Variants in SNX7 observed in about 807,000 individuals in gnomAD.
SNX7 encodes the protein sorting nexin 7, also known as sorting nexin-7.
A neutral mutation model predicts 48.4 loss-of-function variants in SNX7; 35 were observed. The observed-to-expected ratio is 0.72, with a 90% CI of 0.55 to 0.96. The LOEUF (loss-of-function observed/expected upper bound fraction) is 0.96. Among genes scored for constraint, SNX7 ranks in the 40% least tolerant of loss-of-function variants. The probability of loss-of-function intolerance (pLI) is 0.00; values close to 1 mark genes in which losing one functional copy is unlikely to be tolerated. For missense variants in SNX7, 553 were observed against 548.9 expected (o/e 1.01, Z -0.07); for synonymous variants, 190 against 190.2 (o/e 1.00, Z 0.01).
chr1:98,679,741 C>T (rs1485450994), intron 1 of SNX7, among the ~76,000 whole-genome samples: 1 of 152,226 alleles, frequency 6.6e-6, no homozygotes, highest in African/African-American at 2.4e-5. Context: ...GACTCCATGT[C>T]TCACATACAG....
At chr1:98,690,763 T>C (rs530514978) in intron 2 of SNX7, among the ~76,000 whole-genome samples, 1 of 152,238 alleles carries the variant, frequency 6.6e-6, no homozygotes, top group East Asian at 1.9e-4. Context: ...AAGAAAGTCA[T>C]GCCAAAGATA....
At chr1:98,680,206 C>T (rs1650403560) in intron 1 of SNX7, among the ~76,000 whole-genome samples, 1 of 152,172 alleles carries the variant, frequency 6.6e-6, no homozygotes, top group South Asian at 2.1e-4. Context: ...CCTCTGAAAC[C>T]ATGACCTGAG....
intron 7 of SNX7, among the ~76,000 whole-genome samples, chr1:98,708,596 G>A (rs527693864): frequency 4.3e-4 from 65 of 152,198 alleles, no homozygotes; most frequent in Non-Finnish European, 7.9e-4. Flanking sequence ...CACAGCTGGC[G>A]GGGAATTTGG....
intron 8 of SNX7, among the ~76,000 whole-genome samples, chr1:98,739,293 C>A (rs779856496): frequency 1.8e-4 from 28 of 152,274 alleles, no homozygotes; most frequent in Admixed American, 3.3e-4. Flanking sequence ...GGCTGGGTTC[C>A]TAACAGGCCA....
intron 1 of SNX7, among the ~76,000 whole-genome samples, chr1:98,678,239 G>T (rs4950105): frequency 4.6e-5 from 7 of 151,852 alleles, no homozygotes; most frequent in African/African-American, 7.3e-5. Context: ...GAAAGAGGAC[G>T]ATCCAGGGTC....
At chr1:98,662,011 G>T in intron 1 of SNX7, 100 bp downstream of exon 1, 1 of 1,189,946 alleles carries the variant, frequency 8.4e-7, no homozygotes. Context: ...GCCCTCCCGG[G>T]GCGGTGGCTC....
At chr1:98,720,969 A>G (rs1652837814) in intron 7 of SNX7, among the ~76,000 whole-genome samples, 1 of 152,152 alleles carries the variant, frequency 6.6e-6, no homozygotes, top group Non-Finnish European at 1.5e-5. Context: ...TGTACACAGT[A>G]CTAGAGCAAA....
intron 7 of SNX7, among the ~76,000 whole-genome samples, chr1:98,707,992 C>A (rs749476569): frequency 6.6e-6 from 1 of 152,162 alleles, no homozygotes; most frequent in East Asian, 1.9e-4. Context: ...CTCTCTAATT[C>A]TAGGAAGCTT....
At chr1:98,695,793 G>A (rs1049201428) in intron 5 of SNX7, 77 bp downstream of exon 5, 3 of 1,018,476 alleles carry the variant, frequency 2.9e-6, no homozygotes, top group Non-Finnish European at 4.6e-6. Context: ...GTGTAATATA[G>A]CAACATTCAG....
chr1:98,672,930 CA>C (rs57705068), intron 1 of SNX7, among the ~76,000 whole-genome samples: 771 of 88,444 alleles, frequency 8.7e-3, no homozygotes, highest in African/African-American at 0.033. Flanking sequence ...GACTCCGTCT[CA>C]AAAAAAAAAA....
chr1:98,699,099 G>A (rs1283237452), intron 6 of SNX7, among the ~76,000 whole-genome samples, 194 bp downstream of exon 6: 4 of 152,082 alleles, frequency 2.6e-5, no homozygotes, highest in South Asian at 2.1e-4. Flanking sequence ...TAAAAAGCAG[G>A]AATACTCAAT....
intron 1 of SNX7, among the ~76,000 whole-genome samples, chr1:98,678,997 A>G (rs1355672855): frequency 6.6e-6 from 1 of 152,214 alleles, no homozygotes; most frequent in Non-Finnish European, 1.5e-5. Flanking sequence ...CACACCTGCA[A>G]TTCCAGCACT....
At chr1:98,705,257 C>A (rs1651952462) in intron 7 of SNX7, among the ~76,000 whole-genome samples, 1 of 152,092 alleles carries the variant, frequency 6.6e-6, no homozygotes, top group African/African-American at 2.4e-5. Flanking sequence ...TAAAGACATT[C>A]GGAATATTCA....
At chr1:98,722,518 G>A (rs1000731208) in intron 7 of SNX7, among the ~76,000 whole-genome samples, 1 of 151,994 alleles carries the variant, frequency 6.6e-6, no homozygotes, top group Non-Finnish European at 1.5e-5. Context: ...TGATGGAGTG[G>A]CAATCTTAAT....
At chr1:98,704,341 G>T (rs1285981743) in intron 7 of SNX7, among the ~76,000 whole-genome samples, 2 of 152,156 alleles carry the variant, frequency 1.3e-5, no homozygotes, top group African/African-American at 2.4e-5. Context: ...ATTTAACAGA[G>T]AGATTGCAGG....
At chr1:98,679,346 G>T (rs1650350123) in intron 1 of SNX7, among the ~76,000 whole-genome samples, 1 of 152,126 alleles carries the variant, frequency 6.6e-6, no homozygotes, top group African/African-American at 2.4e-5. Context: ...CATGAGAATT[G>T]TGGGAGTTAC....
intron 5 of SNX7, 108 bp downstream of exon 5, chr1:98,695,824 T>C: frequency 1.2e-6 from 1 of 830,766 alleles, no homozygotes; most frequent in Non-Finnish European, 2.0e-6. Flanking sequence ...AGCTTCAAAG[T>C]GTGGCTTATT....
Position 98,685,012 on chromosome 1 carries a change from C to G in SNX7, c.308C>G (p.Pro103Arg). 6.3e-7 allele frequency: 1 copy of G among 1,586,300 alleles called. No individual in the cohort carries two copies. The highest frequency in any genetic ancestry group is 1.3e-5 in the African/African-American group (1 of 74,546). The change falls in exon 2 of 9, where the codon CCT becomes CGT. Residue 103 changes from proline (P) to arginine (R), a missense_variant. Pro to Arg is a moderately radical substitution (Grantham distance 103, BLOSUM62 -2). Transcript: ENST00000306121. ...GATCTCTTCATCACAGTTGATGAAC[C>G]TGAAAGTCATGTTACTACAATAGAA... ...LKDLFITVDE[P>R]ESHVTTIETF...
intron 8 of SNX7, among the ~76,000 whole-genome samples, chr1:98,755,583 T>A (rs890735291): frequency 1.3e-5 from 2 of 152,020 alleles, no homozygotes; most frequent in Non-Finnish European, 2.9e-5. Context: ...AATGTAGCCA[T>A]GCTAGCTTTT....
Sources: gnomAD v4.1 joint callset for allele counts (sites outside exome capture counted in the v4.1 genomes callset) on GRCh38, gnomAD v4.1.1 for gene constraint, MANE v1.5 for transcripts, NCBI Gene and HGNC (gene_info 2026-07-23, HGNC 2026-07-21) for gene names.